The following THEMIS variants were observed in gnomAD, a reference collection of about 807,000 sequenced individuals.
THEMIS encodes the protein thymocyte selection associated.
In THEMIS, 37 loss-of-function variants were observed where a neutral mutation model predicts 52.6. The ratio of observed to expected loss-of-function variants is 0.70; its 90% confidence interval spans 0.54 to 0.93. The LOEUF (loss-of-function observed/expected upper bound fraction) is 0.93. THEMIS is among the 40% of genes least tolerant of loss of function. The pLI is 0.00. For synonymous variants in THEMIS, 292 were observed against 272.7 expected (o/e 1.07, Z -0.70); for missense variants, 808 against 763.1 (o/e 1.06, Z -0.69).
chr6:127,699,776 T>A, the THEMIS span, among the ~76,000 whole-genome samples: 3 of 151,874 alleles, frequency 2.0e-5, no homozygotes, highest in East Asian at 5.8e-4. Flanking sequence ...AAAAAAAGCA[T>A]CTTTACAACC....
intron 1 of THEMIS, among the ~76,000 whole-genome samples, chr6:127,916,108 ATTTG>A (rs1419272240): frequency 6.6e-6 from 1 of 152,002 alleles, no homozygotes; most frequent in Non-Finnish European, 1.5e-5. Context: ...TTAACCCTAT[ATTTG>A]TTTAATTAAA....
intron 1 of THEMIS, among the ~76,000 whole-genome samples, chr6:127,878,344 G>A (rs1780376837): frequency 6.6e-6 from 1 of 152,106 alleles, no homozygotes; most frequent in Non-Finnish European, 1.5e-5. Flanking sequence ...AGTTGCAGAA[G>A]TCTCTAATGA....
chr6:127,892,849 T>G (rs1780851849), intron 1 of THEMIS, among the ~76,000 whole-genome samples: 1 of 152,188 alleles, frequency 6.6e-6, no homozygotes, highest in African/African-American at 2.4e-5. Flanking sequence ...ACCAGTGACC[T>G]GAAAGAGAAA....
chr6:127,865,592 C>T (rs1259746831), intron 1 of THEMIS, among the ~76,000 whole-genome samples: 2 of 152,066 alleles, frequency 1.3e-5, no homozygotes, highest in African/African-American at 4.8e-5. Context: ...ACAGCTTATA[C>T]TGCCTTGTAG....
intron 4 of THEMIS, among the ~76,000 whole-genome samples, chr6:127,744,070 A>G (rs76459429): frequency 0.017 from 2,635 of 152,182 alleles, 81 homozygotes; most frequent in African/African-American, 0.06. Flanking sequence ...TTGACCCTAG[A>G]ACAGACTGTT....
chr6:127,710,566 C>G (rs1298478418), intron 5 of THEMIS, among the ~76,000 whole-genome samples: 7 of 151,916 alleles, frequency 4.6e-5, no homozygotes, highest in Non-Finnish European at 1.0e-4. Flanking sequence ...ATCAACAGGC[C>G]TCCAGCATAA....
chr6:127,854,972 T>C, intron 2 of THEMIS, 58 bp downstream of exon 2: 14 of 1,460,424 alleles, frequency 9.6e-6, no homozygotes, highest in Non-Finnish European at 1.0e-5. Flanking sequence ...GTTGTGTATA[T>C]ATACATATTA....
At chr6:127,706,897 G>A (rs897012237), downstream of THEMIS, among the ~76,000 whole-genome samples, 5 of 152,058 alleles carry the variant, frequency 3.3e-5, no homozygotes, top group Non-Finnish European at 5.9e-5. Flanking sequence ...GAATAATGGT[G>A]TATTAGTCCA....
chr6:127,910,149 T>C (rs1379496644), intron 1 of THEMIS: 6 of 152,194 alleles, frequency 3.9e-5, no homozygotes, highest in Non-Finnish European at 8.8e-5. Context: ...GTGCATCTAA[T>C]TTCCTTTTTA....
chr6:127,875,401 C>G (rs763382341), intron 1 of THEMIS, among the ~76,000 whole-genome samples: 1 of 152,148 alleles, frequency 6.6e-6, no homozygotes, highest in Non-Finnish European at 1.5e-5. Flanking sequence ...ATGTAGAAAC[C>G]CCCAAACTGC....
At chr6:127,860,822 G>A (rs1441477826) in intron 1 of THEMIS, among the ~76,000 whole-genome samples, 2 of 152,182 alleles carry the variant, frequency 1.3e-5, no homozygotes, top group South Asian at 2.1e-4. Flanking sequence ...TCACTGTTTC[G>A]TGCATTAGCT....
rs555576723 is a variant in THEMIS, at chr6:127,881,706, T to A, written c.91+19136A>T. Among the ~76,000 whole-genome samples the A allele has an allele frequency of 5.9e-5, 9 of 152,016 alleles. No homozygotes were observed. The East Asian group carries it at 1.5e-3, about 26-fold the overall frequency. ...ACAACTGGCATTGCTTTTATCTAAG[T>A]TTATTTGCTTGTTTTTAATGCACCT... On this transcript the variant is annotated intron_variant, in intron 1 of 5. Transcript: ENST00000368248.
chr6:127,783,784 G>C (rs141419007), intron 4 of THEMIS, among the ~76,000 whole-genome samples: 2 of 152,212 alleles, frequency 1.3e-5, no homozygotes, highest in East Asian at 1.9e-4. Context: ...TTACACTGTT[G>C]TTGGGAATGT....
intron 1 of THEMIS, among the ~76,000 whole-genome samples, chr6:127,888,429 A>T (rs769760354): frequency 6.6e-6 from 1 of 152,062 alleles, no homozygotes; most frequent in African/African-American, 2.4e-5. Flanking sequence ...GATAAATGGA[A>T]GTTGTGGGAA....
chr6:127,768,874 G>C (rs571818307), intron 4 of THEMIS, among the ~76,000 whole-genome samples: 1 of 152,070 alleles, frequency 6.6e-6, no homozygotes, highest in East Asian at 1.9e-4. Flanking sequence ...TGGCTTCCCT[G>C]TTCTTAGCTC....
In THEMIS at chr6:127,864,553, A is replaced by AAGACACC. The variant is rs561131145; in HGVS notation, c.92-9372_92-9366dup. ...GAGAAGATGAGTTGGGCCTGATTTG[A>AAGACACC]AGACACCATGTGCAGAAGTCCAGAG... On this transcript the variant is annotated intron_variant, in intron 1 of 5. Transcript: ENST00000368248. 3.3e-4 allele frequency among the ~76,000 whole-genome samples: 50 copies of AAGACACC among 152,208 alleles called. No individual in the cohort carries two copies. In the East Asian group the frequency reaches 8.3e-3, roughly 25 times the overall value.
intron 1 of THEMIS, among the ~76,000 whole-genome samples, chr6:127,916,948 C>T (rs1333211918): frequency 2.0e-5 from 3 of 152,276 alleles, no homozygotes; most frequent in Middle Eastern, 3.4e-3. Flanking sequence ...ATGGACAGTA[C>T]ACTTAGGCTC....
chr6:127,730,341 G>GAAAAAAAAAGAAAAGAAAAGAA (rs1562219962), intron 4 of THEMIS, among the ~76,000 whole-genome samples: 1 of 123,098 alleles, frequency 8.1e-6, no homozygotes, highest in Non-Finnish European at 1.9e-5. Context: ...GAAAAGAAAA[G>GAAAAAAAAAGAAAAGAAAAGAA]AAGAGAAGAG....
At chr6:127,767,677 A>G (rs77068079) in intron 4 of THEMIS, among the ~76,000 whole-genome samples, 4,226 of 152,286 alleles carry the variant, frequency 0.028, 193 homozygotes, top group African/African-American at 0.096. Context: ...ACTTTTTTTA[A>G]TAAGTAGAAG....
Sources: allele counts gnomAD v4.1 joint callset (sites outside exome capture counted in the v4.1 genomes callset), GRCh38; gene constraint gnomAD v4.1.1; transcripts MANE v1.5; gene names NCBI Gene and HGNC (gene_info 2026-07-23, HGNC 2026-07-21).